The following ANKHD1 variants were observed in gnomAD, a reference collection of about 807,000 sequenced individuals.
ANKHD1 encodes ankyrin repeat and KH domain containing 1, also known as ankyrin repeat and KH domain-containing protein 1.
Under a neutral mutation model 230.5 loss-of-function variants are expected in ANKHD1, and 31 were observed. The observed-to-expected ratio is 0.13, with a 90% CI of 0.10 to 0.18. The LOEUF is 0.18. Ranked by LOEUF, ANKHD1 falls within the 10% of genes least tolerant of loss-of-function variation. The pLI, the probability that ANKHD1 is intolerant of heterozygous loss-of-function variation, is 1.00. For missense variants in ANKHD1, 2,256 were observed against 3,071.3 expected, an observed-to-expected ratio of 0.73 and a Z score of 6.27; for synonymous variants, 1,074 against 1,117.6, an observed-to-expected ratio of 0.96 and a Z score of 0.78.
chr5:140,410,035 G>C (rs1770800117), intron 1 of ANKHD1, among the ~76,000 whole-genome samples: 1 of 152,012 alleles, frequency 6.6e-6, no homozygotes, highest in Non-Finnish European at 1.5e-5. Context: ...AGAGGTTTTT[G>C]TTGTTATTAG....
At chr5:140,469,457 A>G (rs1175593665) in intron 10 of ANKHD1, among the ~76,000 whole-genome samples, 1 of 152,040 alleles carries the variant, frequency 6.6e-6, no homozygotes, top group Non-Finnish European at 1.5e-5. Flanking sequence ...TAGTAAGCTG[A>G]GATTGCATCA....
chr5:140,426,997 T>C (rs982585743), intron 1 of ANKHD1, among the ~76,000 whole-genome samples: 1 of 152,162 alleles, frequency 6.6e-6, no homozygotes, highest in Non-Finnish European at 1.5e-5. Flanking sequence ...AAAACAGCCA[T>C]TGTCATCATG....
chr5:140,491,135 T>TATATATATATATATATATATAC (rs1554091209), intron 14 of ANKHD1, among the ~76,000 whole-genome samples: 1 of 75,048 alleles, frequency 1.3e-5, no homozygotes, highest in African/African-American at 4.7e-5. Context: ...TATATATATA[T>TATATATATATATATATATATAC]ACACATATAT....
intron 10 of ANKHD1, among the ~76,000 whole-genome samples, chr5:140,480,968 A>G (rs1751248446): frequency 2.0e-5 from 3 of 152,086 alleles, no homozygotes; most frequent in Admixed American, 6.5e-5. Flanking sequence ...GTATGTCCAT[A>G]ATAGGAAGAG....
chr5:140,453,763 C>G (rs1185292564), intron 7 of ANKHD1, among the ~76,000 whole-genome samples: 1 of 152,114 alleles, frequency 6.6e-6, no homozygotes, highest in African/African-American at 2.4e-5. Context: ...AAAATCATGC[C>G]AAATTGTAAA....
chr5:140,460,447 A>G (rs1775623462), intron 9 of ANKHD1, among the ~76,000 whole-genome samples: 1 of 152,188 alleles, frequency 6.6e-6, no homozygotes, highest in African/African-American at 2.4e-5. Context: ...TTCATTGTTA[A>G]CATTAATTTT....
chr5:140,499,647 G>A (rs1752189249), intron 15 of ANKHD1, among the ~76,000 whole-genome samples: 1 of 152,004 alleles, frequency 6.6e-6, no homozygotes, highest in Non-Finnish European at 1.5e-5. Context: ...TGTGTTGTTT[G>A]ATACGTGTCA....
intron 24 of ANKHD1, among the ~76,000 whole-genome samples, chr5:140,515,572 C>T (rs546827579): frequency 4.9e-4 from 74 of 152,284 alleles, no homozygotes; most frequent in Non-Finnish European, 8.7e-4. Context: ...GTGGTTCTCC[C>T]AGCACGCAGC....
At chr5:140,460,604 T>C (rs1289302192) in intron 9 of ANKHD1, among the ~76,000 whole-genome samples, 1 of 152,144 alleles carries the variant, frequency 6.6e-6, no homozygotes, top group East Asian at 1.9e-4. Context: ...CACTGCAACC[T>C]CAACCTCCTG....
chr5:140,479,486 C>T (rs1751148698), intron 10 of ANKHD1, among the ~76,000 whole-genome samples: 1 of 151,780 alleles, frequency 6.6e-6, no homozygotes, highest in South Asian at 2.1e-4. Flanking sequence ...TGACTAAATC[C>T]AATGCTCATA....
chr5:140,438,912 T>A (rs1193566453), intron 3 of ANKHD1, among the ~76,000 whole-genome samples: 1 of 152,188 alleles, frequency 6.6e-6, no homozygotes, highest in Non-Finnish European at 1.5e-5. Context: ...AGTTACTTAT[T>A]CTAAAAGTTA....
chr5:140,502,301 A>G (rs963039001), intron 15 of ANKHD1, among the ~76,000 whole-genome samples: 9 of 152,176 alleles, frequency 5.9e-5, no homozygotes, highest in Non-Finnish European at 1.0e-4. Flanking sequence ...CTTGCTATGG[A>G]ATGTTTCTGA....
rs189488218 is a variant in ANKHD1 at position 140,408,243 on chromosome 5, A to T, written c.306+5970A>T. 2.0e-5 allele frequency among the ~76,000 whole-genome samples: 3 copies of T among 152,344 alleles called. No homozygotes were observed. In the East Asian group the frequency reaches 5.8e-4, roughly 29 times the overall value. On this transcript the variant is annotated intron_variant, in intron 1 of 33. Transcript: ENST00000360839. ...TGTTGAAAAACTCAACAATATAGAT[A>T]GTAGGTATAAGGGGAAAAGTAAAAG...
chr5:140,527,845 A>C lies in ANKHD1; in HGVS notation c.5088-28A>C. ...TTAATAAAGAGACATTTAATTTCAT[A>C]AGCTCATGTGTATTCTTCATTTTAT... On this transcript the variant is annotated intron_variant, in intron 27 of 33. Transcript: ENST00000360839. The surrounding 1 kb of genome is among the most constrained non-coding windows in gnomAD (Gnocchi z 4.5). 1 of 1,584,770 alleles carries C rather than the reference A, an allele frequency of 6.3e-7. No homozygotes were observed. The highest frequency in any genetic ancestry group is 8.6e-7 in the Non-Finnish European group (1 of 1,165,420).
chr5:140,457,464 T>A (rs1027972689), intron 7 of ANKHD1, among the ~76,000 whole-genome samples: 2 of 152,120 alleles, frequency 1.3e-5, no homozygotes, highest in African/African-American at 4.8e-5. Context: ...CAAATGTCCA[T>A]CAATGATAGA....
At chr5:140,475,571 CTA>C (rs1491174523) in intron 10 of ANKHD1, among the ~76,000 whole-genome samples, 1 of 147,444 alleles carries the variant, frequency 6.8e-6, no homozygotes, top group Non-Finnish European at 1.5e-5. Flanking sequence ...CCCAAAAAAA[CTA>C]AAAAAAAGGG....
intron 1 of ANKHD1, among the ~76,000 whole-genome samples, chr5:140,412,761 G>A (rs1412147772): frequency 1.3e-5 from 2 of 152,168 alleles, no homozygotes; most frequent in African/African-American, 2.4e-5. Flanking sequence ...TACAGACAGT[G>A]CATGGTTCCT....
chr5:140,497,931 G>C (rs1752111241), intron 15 of ANKHD1: 1 of 144,998 alleles, frequency 6.9e-6, no homozygotes. Context: ...AGAAAAAAAG[G>C]CCTGATAACC....
intron 14 of ANKHD1, among the ~76,000 whole-genome samples, chr5:140,489,103 T>C (rs909373545): frequency 1.3e-5 from 2 of 150,300 alleles, no homozygotes; most frequent in Non-Finnish European, 3.0e-5. Context: ...AGTGGGAGGA[T>C]CACTTCAGCC....
Sources: gnomAD v4.1 joint callset for allele counts (sites outside exome capture counted in the v4.1 genomes callset) on GRCh38, gnomAD v4.1.1 for gene constraint, Gnocchi (gnomAD v3.1) non-coding constraint, MANE v1.5 for transcripts, NCBI Gene and HGNC (gene_info 2026-07-23, HGNC 2026-07-21) for gene names.